GRIK4: variants seen among roughly 807,000 people sequenced by gnomAD.
GRIK4 encodes glutamate ionotropic receptor kainate type subunit 4.
In GRIK4, 40 loss-of-function variants were observed where a neutral mutation model predicts 104.9. The observed-to-expected ratio is 0.38, with a 90% confidence interval of 0.30 to 0.50. The LOEUF (loss-of-function observed/expected upper bound fraction) is 0.50, where lower values mean the gene tolerates loss of function less well. GRIK4 is among the 20% of genes least tolerant of loss of function. The probability of loss-of-function intolerance (pLI) is 0.93; values close to 1 mark genes in which losing one functional copy is unlikely to be tolerated. For missense variants in GRIK4, 1,047 were observed against 1,308.1 expected (o/e 0.80, Z 3.08); for synonymous variants, 485 against 524.9 (o/e 0.92, Z 1.04).
intron 3 of GRIK4, among the ~76,000 whole-genome samples, chr11:120,749,449 C>T (rs949685711): frequency 6.6e-6 from 1 of 152,210 alleles, no homozygotes; most frequent in Non-Finnish European, 1.5e-5. Context: ...GGGAAGCAAA[C>T]AGTCCTACTT....
At chr11:120,736,018 G>A (rs1332686891) in intron 3 of GRIK4, among the ~76,000 whole-genome samples, 3 of 152,076 alleles carry the variant, frequency 2.0e-5, no homozygotes, top group Non-Finnish European at 4.4e-5. Context: ...CCTGTTTGGT[G>A]CTCTATCCTC....
At position 120,962,597 on chromosome 11, in the gene GRIK4, G is replaced by A. The variant is rs773509095; in HGVS notation, c.2182G>A (p.Glu728Lys). ...CTTCCTCCTGGAATCCACCATGAAC[G>A]AGTACTATCGGCAGCGAAACTGCAA... is the stretch of plus-strand genomic sequence containing the variant. ...YAFLLESTMN[E>K]YYRQRNCNLT... Residue 728 changes from glutamate to lysine, a missense_variant, in exon 18 of 21, where the codon GAG (glutamate) becomes AAG (lysine). Glu to Lys is a moderately conservative substitution (Grantham distance 56). Transcript: ENST00000527524. The A allele has an allele frequency of 3.1e-6, 5 of 1,614,126 alleles. No homozygotes were observed. Among genetic ancestry groups the A allele is most frequent in the Middle Eastern group, 1.6e-4 (1 of 6,062 alleles).
At chr11:120,599,863 G>A (rs775808905) in intron 1 of GRIK4, among the ~76,000 whole-genome samples, 1 of 152,210 alleles carries the variant, frequency 6.6e-6, no homozygotes, top group Non-Finnish European at 1.5e-5. Context: ...GTCAAACTCA[G>A]CACAAGGGAA....
intron 3 of GRIK4, among the ~76,000 whole-genome samples, chr11:120,735,231 G>A (rs1951200010): frequency 6.6e-6 from 1 of 152,086 alleles, no homozygotes; most frequent in African/African-American, 2.4e-5. Context: ...AAGACTTTCC[G>A]GGTATTCAAA....
At chr11:120,515,578 G>C (rs1947715777) in intron 1 of GRIK4, among the ~76,000 whole-genome samples, 1 of 152,186 alleles carries the variant, frequency 6.6e-6, no homozygotes, top group Non-Finnish European at 1.5e-5. Flanking sequence ...GTAATCGTCT[G>C]TCCGTTTGTC....
Position 120,819,784 on chromosome 11 carries a change from G to A in GRIK4, c.375G>A (p.Glu125=). ...CTCACTTCAAAGTGGCCCCAGAGGA[G>A]TTCGTCAAGTTCCAGTTCCAGAGAT... The part of the protein sequence containing the change: ...EVPHFKVAPE[E]FVKFQFQRFT... The change falls in exon 6 of 21, where the codon GAG becomes GAA. Residue 125 remains glutamate (E), a synonymous_variant. Transcript: ENST00000527524. The surrounding 1 kb of genome is among the most constrained non-coding windows in gnomAD (Gnocchi z 4.3). The A allele has an allele frequency of 1.2e-6, 2 of 1,614,174 alleles. No homozygotes were observed. Among genetic ancestry groups the A allele is most frequent in the Non-Finnish European group, 1.7e-6 (2 of 1,180,022 alleles).
At chr11:120,643,136 G>A (rs539475641) in intron 1 of GRIK4, among the ~76,000 whole-genome samples, 27 of 152,220 alleles carry the variant, frequency 1.8e-4, no homozygotes, top group African/African-American at 5.3e-4. Context: ...CTAGGAGCTC[G>A]CTACTCTTTA....
chr11:120,849,332 C>T (rs1953925236), intron 8 of GRIK4, among the ~76,000 whole-genome samples: 1 of 152,180 alleles, frequency 6.6e-6, no homozygotes, highest in Non-Finnish European at 1.5e-5. Context: ...CTGCCCAGGC[C>T]TTCTATCTAA....
chr11:120,880,572 A>G (rs1400970340), intron 11 of GRIK4, among the ~76,000 whole-genome samples: 1 of 152,178 alleles, frequency 6.6e-6, no homozygotes, highest in African/African-American at 2.4e-5. Context: ...GTCCCAGCCC[A>G]TGTTGGAAGG....
chr11:120,548,401 C>T (rs971118317), intron 1 of GRIK4, among the ~76,000 whole-genome samples: 3 of 151,882 alleles, frequency 2.0e-5, no homozygotes, highest in Non-Finnish European at 2.9e-5. Flanking sequence ...AAGGGGATTG[C>T]AAGCAGAGGG....
intron 3 of GRIK4, among the ~76,000 whole-genome samples, chr11:120,763,230 C>G (rs920404824): frequency 1.3e-5 from 2 of 152,102 alleles, no homozygotes; most frequent in Admixed American, 1.3e-4. Context: ...AGTTTATTTG[C>G]ATAGAGGTGT....
chr11:120,905,755 C>T lies in GRIK4; in HGVS notation c.1476+262C>T, dbSNP rs904819856. 4.6e-5 allele frequency among the ~76,000 whole-genome samples: 7 copies of T among 152,184 alleles called. No individual in the cohort carries two copies. The highest frequency in any genetic ancestry group is 1.7e-4 in the African/African-American group (7 of 41,446). On this transcript the variant is annotated intron_variant, in intron 13 of 20. Transcript: ENST00000527524. The surrounding 1 kb of genome is among the most constrained non-coding windows in gnomAD (Gnocchi z 5.1). The stretch of plus-strand genomic sequence containing the variant: ...TCATGGAGGCTCTGATTGATTAACA[C>T]AGATGAGGGAGTTTGGGTTCCATTT...
At position 120,644,011 on chromosome 11, in the gene GRIK4, C is replaced by CTGTGTGTGTGTGTGTGTG. The variant is rs369374873; in HGVS notation, c.-158-9657_-158-9640dup. Among the ~76,000 whole-genome samples the CTGTGTGTGTGTGTGTGTG allele has an allele frequency of 3.6e-3, 441 of 122,880 alleles. 2 individuals are homozygous for CTGTGTGTGTGTGTGTGTG. The highest frequency in any genetic ancestry group is 0.015 in the African/African-American group (411 of 26,528). 80.6% of individuals were successfully genotyped at this position (122,880 alleles called of 152,430 possible). ...ATGACAAGTTTCCAGGGGAGAGGGT[C>CTGTGTGTGTGTGTGTGTG]TGTGTGTGTGTGTGTGTGTGTGTGT... On this transcript the variant is annotated intron_variant, in intron 1 of 20. Transcript: ENST00000527524.
chr11:120,986,522 C>A lies in GRIK4; in HGVS notation c.*262C>A. ...TCCTGGGCACAAGGACCCATCTTCT[C>A]CCAGTGGGTCTTTCCCTCTCGCCAA... On this transcript the variant is annotated 3_prime_UTR_variant, in exon 21 of 21. Coordinates refer to ENST00000527524, the MANE Select transcript of GRIK4 (RefSeq NM_014619.5). 2.1e-6 allele frequency: 1 copy of A among 469,858 alleles called. No homozygotes were observed. The highest frequency in any genetic ancestry group is 2.1e-5 in the African/African-American group (1 of 48,074). The allele number at this position is 469,858 out of a possible 1,614,324, so 29.1% of individuals were successfully genotyped here. A position where few individuals can be genotyped will look rare whatever the true frequency, so the allele number is the denominator to read the frequency against.
At chr11:120,589,219 A>T (rs1467504488) in intron 1 of GRIK4, among the ~76,000 whole-genome samples, 1 of 152,208 alleles carries the variant, frequency 6.6e-6, no homozygotes, top group Non-Finnish European at 1.5e-5. Flanking sequence ...ACACGTTTCT[A>T]GGTGACACTC....
At chr11:120,841,637 T>C (rs963275330) in intron 8 of GRIK4, among the ~76,000 whole-genome samples, 6 of 152,088 alleles carry the variant, frequency 3.9e-5, no homozygotes, top group Non-Finnish European at 7.4e-5. Flanking sequence ...TGCCTAAGAG[T>C]GGAATTGCTG....
In GRIK4 at chr11:120,802,871, G is replaced by A; in HGVS notation, c.247+14G>A. 1.2e-6 allele frequency: 2 copies of A among 1,611,370 alleles called. No individual in the cohort carries two copies. Among genetic ancestry groups the A allele is most frequent in the South Asian group, 2.2e-5 (2 of 90,934 alleles). ...CTGCAGAAACCAGTACGTAGACTGG[G>A]CAGGGCTGCCTCTTCCCTTGCTGGC... is the stretch of plus-strand genomic sequence containing the variant. On this transcript the variant is annotated intron_variant, in intron 4 of 20. Transcript: ENST00000527524.
intron 3 of GRIK4, among the ~76,000 whole-genome samples, chr11:120,796,852 C>T (rs537808517): frequency 8.3e-5 from 11 of 133,014 alleles, no homozygotes; most frequent in Non-Finnish European, 1.3e-4. Flanking sequence ...GGGGTCGCCA[C>T]GGCCACACTG....
intron 13 of GRIK4, among the ~76,000 whole-genome samples, chr11:120,911,383 C>T (rs1418947400): frequency 3.3e-5 from 5 of 149,878 alleles, no homozygotes; most frequent in Admixed American, 1.3e-4. Flanking sequence ...GGACTACAGG[C>T]GCGCGCCACC....
Sources: gnomAD v4.1 joint callset for allele counts (sites outside exome capture counted in the v4.1 genomes callset) on GRCh38, gnomAD v4.1.1 for gene constraint, Gnocchi (gnomAD v3.1) non-coding constraint, MANE v1.5 for transcripts, NCBI Gene and HGNC (gene_info 2026-07-23, HGNC 2026-07-21) for gene names.